SFXN1: variants seen among roughly 807,000 people sequenced by gnomAD.
The protein encoded by SFXN1 is sideroflexin 1.
Under a neutral mutation model 39.5 loss-of-function variants are expected in SFXN1, and 32 were observed. The ratio of observed to expected loss-of-function variants is 0.81; its 90% CI spans 0.61 to 1.09. The LOEUF (loss-of-function observed/expected upper bound fraction) is 1.09. Among genes scored for constraint, SFXN1 ranks in the 50% least tolerant of loss-of-function variants. The pLI is 0.00. For missense variants in SFXN1, 402 were observed against 407.1 expected (o/e 0.99, Z 0.11); for synonymous variants, 136 against 146.5 (o/e 0.93, Z 0.52).
intron 2 of SFXN1, among the ~76,000 whole-genome samples, chr5:175,507,034 C>T (rs1322055971): frequency 6.6e-6 from 1 of 152,184 alleles, no homozygotes; most frequent in Non-Finnish European, 1.5e-5. Flanking sequence ...GGCTCAAGGT[C>T]TGATATCAAG....
chr5:175,486,845 A>G (rs1482897694), intron 1 of SFXN1, among the ~76,000 whole-genome samples: 2 of 152,188 alleles, frequency 1.3e-5, no homozygotes, highest in South Asian at 2.1e-4. Context: ...AGCTTGCCCT[A>G]AAGGTTGCCT....
intron 2 of SFXN1, among the ~76,000 whole-genome samples, chr5:175,499,035 A>T (rs1759973214): frequency 6.6e-6 from 1 of 152,214 alleles, no homozygotes; most frequent in South Asian, 2.1e-4. Context: ...CGGGCAAATC[A>T]CCTGAGGCCA....
intron 8 of SFXN1, 116 bp downstream of exon 8, chr5:175,516,779 C>T: frequency 1.1e-6 from 1 of 934,066 alleles, no homozygotes; most frequent in Non-Finnish European, 1.6e-6. Flanking sequence ...GTTTCCTGGG[C>T]TCTTACGTAA....
rs555591361 is a variant in SFXN1, at chr5:175,525,640, A to C, written c.873-998A>C. Reference sequence around the variant, plus strand: ...TTTATTGTTTTTGAGGCAGGGTCTCACTCTCTTGCCCAGGCTGGAGTGCAA... The same window carrying C: ...TTTATTGTTTTTGAGGCAGGGTCTCCCTCTCTTGCCCAGGCTGGAGTGCAA... On this transcript the variant is annotated intron_variant, in intron 10 of 10. Coordinates refer to ENST00000321442, the MANE Select transcript of SFXN1 (RefSeq NM_022754.7). Among the ~76,000 whole-genome samples the C allele has an allele frequency of 1.3e-4, 20 of 152,150 alleles. No homozygotes were observed. In the South Asian group the frequency reaches 3.5e-3, roughly 27 times the overall value.
At chr5:175,496,827 A>T (rs1462759010) in intron 2 of SFXN1, among the ~76,000 whole-genome samples, 1 of 151,856 alleles carries the variant, frequency 6.6e-6, no homozygotes, top group African/African-American at 2.4e-5. Context: ...AGTCTGGGTG[A>T]TAAATTGCCT....
chr5:175,480,123 C>G (rs1008875725), intron 1 of SFXN1, among the ~76,000 whole-genome samples: 6 of 152,148 alleles, frequency 3.9e-5, no homozygotes, highest in Non-Finnish European at 8.8e-5. Flanking sequence ...GTGTTTGGGC[C>G]AGGCGCGGTG....
Position 175,527,088 on chromosome 5 carries a change from A to G in SFXN1, c.*354A>G, listed in dbSNP as rs879501349. The G allele has an allele frequency of 2.6e-5, 5 of 188,894 alleles. No individual in the cohort carries two copies. The highest frequency in any genetic ancestry group is 3.3e-5 in the Non-Finnish European group (3 of 92,176). The allele number at this position is 188,894 out of a possible 1,614,324, so 11.7% of individuals were successfully genotyped here. A position where few individuals can be genotyped will look rare whatever the true frequency, so the allele number is the denominator to read the frequency against. On this transcript the variant is annotated 3_prime_UTR_variant, in exon 11 of 11. Coordinates refer to ENST00000321442, the MANE Select transcript of SFXN1 (RefSeq NM_022754.7). The stretch of plus-strand genomic sequence containing the variant: ...TCAGTAAATGTTCTATTGATTATCA[A>G]TCAGTGAAAAAAGAAATCTGTTTAA...
At chr5:175,525,514 G>C (rs899509131) in intron 10 of SFXN1, among the ~76,000 whole-genome samples, 3 of 151,804 alleles carry the variant, frequency 2.0e-5, no homozygotes, top group Admixed American at 1.3e-4. Context: ...TTCTATATTC[G>C]TAATTTTTAA....
intron 2 of SFXN1, among the ~76,000 whole-genome samples, chr5:175,504,028 T>G (rs1581293973): frequency 8.2e-6 from 1 of 122,112 alleles, no homozygotes; most frequent in African/African-American, 3.1e-5. Context: ...AAAGGGATCC[T>G]ATGGAATACT....
At position 175,499,061 on chromosome 5, in the gene SFXN1, C is replaced by A. The variant is rs535321980; in HGVS notation, c.164+6794C>A. Among the ~76,000 whole-genome samples, 48 of 152,230 alleles carry A rather than the reference C, an allele frequency of 3.2e-4. 1 individual carries two copies. The South Asian group carries it at 1.0e-2, about 32-fold the overall frequency. On this transcript the variant is annotated intron_variant, in intron 2 of 10. Coordinates refer to ENST00000321442, the MANE Select transcript of SFXN1 (RefSeq NM_022754.7). ...CCTGAGGCCAGGAGTTCGAGACCAT[C>A]CTGGCCAACATGGTAAAACCCCATC... is the stretch of plus-strand genomic sequence containing the variant.
At chr5:175,524,096 T>C (rs1760961244) in intron 10 of SFXN1, 1 of 103,544 alleles carries the variant, frequency 9.7e-6, no homozygotes, top group Non-Finnish European at 1.8e-5. Context: ...AGTGCGAGAT[T>C]CTGTCTCAAA....
chr5:175,513,249 G>A (rs1270946500), intron 6 of SFXN1, among the ~76,000 whole-genome samples: 1 of 142,962 alleles, frequency 7.0e-6, no homozygotes, highest in Non-Finnish European at 1.5e-5. Context: ...TGCAGTCAGT[G>A]GAGATAGCCA....
intron 8 of SFXN1, among the ~76,000 whole-genome samples, chr5:175,518,919 C>A (rs1760797092): frequency 6.6e-6 from 1 of 152,110 alleles, no homozygotes; most frequent in South Asian, 2.1e-4. Context: ...TTTTAAAATT[C>A]TGTTCTTTAA....
chr5:175,513,521 G>A lies in SFXN1; in HGVS notation c.655G>A (p.Ala219Thr). ...GAATGGGAACCGCTTGGGGGAGTCG[G>A]CGAACGCTGCGAAACAAGCCATCAC... ...DENGNRLGESANAAKQAITQV... is the reference protein window; with the variant it reads ...DENGNRLGESTNAAKQAITQV... Residue 219 changes from alanine to threonine, a missense_variant, in exon 7 of 11, where the codon GCG becomes ACG. By Grantham distance (58) the Ala-to-Thr change is moderately conservative (BLOSUM62 0). Transcript: ENST00000321442. 1 of 1,613,910 alleles carries A rather than the reference G, an allele frequency of 6.2e-7. No homozygotes were observed. Among genetic ancestry groups the A allele is most frequent in the Non-Finnish European group, 8.5e-7 (1 of 1,179,954 alleles).
intron 8 of SFXN1, among the ~76,000 whole-genome samples, chr5:175,518,522 TA>T (rs1760782945): frequency 6.6e-6 from 1 of 152,164 alleles, no homozygotes; most frequent in African/African-American, 2.4e-5. Flanking sequence ...GACACATTGT[TA>T]AAATACGCAG....
chr5:175,503,596 G>A (rs1760163271), intron 2 of SFXN1, among the ~76,000 whole-genome samples: 1 of 152,164 alleles, frequency 6.6e-6, no homozygotes, highest in Non-Finnish European at 1.5e-5. Context: ...AATCAGCTAG[G>A]CATAATGGGT....
intron 1 of SFXN1, among the ~76,000 whole-genome samples, chr5:175,485,929 G>A (rs995461632): frequency 2.0e-5 from 3 of 152,166 alleles, no homozygotes; most frequent in Non-Finnish European, 2.9e-5. Context: ...CACTATTGTC[G>A]TGAGAAATGA....
chr5:175,510,885 C>G (rs1760487240), intron 4 of SFXN1, among the ~76,000 whole-genome samples: 1 of 152,136 alleles, frequency 6.6e-6, no homozygotes. Context: ...AACAAAGGAT[C>G]TTGAAATCTG....
intron 2 of SFXN1, 58 bp downstream of exon 2, chr5:175,492,325 C>T: frequency 4.4e-6 from 6 of 1,367,708 alleles, no homozygotes; most frequent in Admixed American, 2.7e-5. Flanking sequence ...TGTTAGGCTG[C>T]TATCTTTAAA....
Sources: gnomAD v4.1 joint callset for allele counts (sites outside exome capture counted in the v4.1 genomes callset) on GRCh38, gnomAD v4.1.1 for gene constraint, MANE v1.5 for transcripts, NCBI Gene and HGNC (gene_info 2026-07-23, HGNC 2026-07-21) for gene names.